The following WDR53 variants were observed in gnomAD, a reference collection of about 807,000 sequenced individuals.
WDR53 encodes WD repeat domain 53.
WDR53 carries 19 observed loss-of-function variants against 21.3 expected under a neutral mutation model. That is an observed-to-expected ratio of 0.89 (90% CI 0.62 to 1.31). The LOEUF is 1.31. Among genes scored for constraint, WDR53 ranks in the 50% most tolerant of loss-of-function variants. The pLI, the probability that WDR53 is intolerant of heterozygous loss-of-function variation, is 0.00. For missense variants in WDR53, 374 were observed against 423.2 expected (o/e 0.88, Z 1.02); for synonymous variants, 157 against 163.4 (o/e 0.96, Z 0.30).
intron 3 of WDR53, among the ~76,000 whole-genome samples, chr3:196,555,570 T>C (rs1734247712): frequency 6.6e-6 from 1 of 152,372 alleles, no homozygotes; most frequent in South Asian, 2.1e-4. Flanking sequence ...GGTTTTACAT[T>C]ATCATCTAGT....
chr3:196,554,407 G>T lies in WDR53; in HGVS notation c.881C>A (p.Thr294Asn). Residue 294 changes from threonine (T) to asparagine (N), a missense_variant, in exon 4 of 4, where the codon ACT becomes AAT. Thr to Asn is a moderately conservative substitution (Grantham distance 65, BLOSUM62 0). Coordinates refer to ENST00000332629, the MANE Select transcript of WDR53 (RefSeq NM_182627.3). ...RTHRKKPKRG[T>N]CTKQGGNTNA... ...AGTATTTCCACCCTGCTTGGTGCAA[G>T]TTCCTCTTTTAGGTTTCTTCCTGTG... The T allele has an allele frequency of 6.2e-7, 1 of 1,614,090 alleles. No individual in the cohort carries two copies. The highest frequency in any genetic ancestry group is 8.5e-7 in the Non-Finnish European group (1 of 1,180,026).
intron 2 of WDR53, among the ~76,000 whole-genome samples, chr3:196,566,393 A>G (rs1427204213): frequency 6.9e-6 from 1 of 145,952 alleles, no homozygotes; most frequent in African/African-American, 2.6e-5. Flanking sequence ...CTGCCAGGTG[A>G]GTTATTTTGA....
At chr3:196,562,918 G>A (rs1026688510) in intron 2 of WDR53, among the ~76,000 whole-genome samples, 2 of 151,994 alleles carry the variant, frequency 1.3e-5, no homozygotes, top group Admixed American at 1.3e-4. Context: ...CTGCAGCCTT[G>A]ACCTCCCAGG....
intron 3 of WDR53, among the ~76,000 whole-genome samples, chr3:196,560,338 GTC>G (rs1031320374): frequency 6.6e-6 from 1 of 151,850 alleles, no homozygotes; most frequent in Non-Finnish European, 1.5e-5. Flanking sequence ...CACCTCCTGG[GTC>G]AAGCGATTCT....
chr3:196,561,907 T>C (rs996926786), intron 2 of WDR53, among the ~76,000 whole-genome samples: 3 of 152,212 alleles, frequency 2.0e-5, no homozygotes, highest in East Asian at 1.9e-4. Context: ...AGGTTTGCAG[T>C]AGCTAGGGGA....
chr3:196,564,357 A>C (rs1218320689), intron 2 of WDR53, among the ~76,000 whole-genome samples: 2 of 151,544 alleles, frequency 1.3e-5, no homozygotes, highest in African/African-American at 4.8e-5. Context: ...TAAGTTACAA[A>C]TAATTTTGTT....
chr3:196,563,177 A>G (rs537918498), intron 2 of WDR53, among the ~76,000 whole-genome samples: 3 of 152,192 alleles, frequency 2.0e-5, no homozygotes, highest in Non-Finnish European at 4.4e-5. Context: ...AGTGCTTGAA[A>G]ATGTACTCAC....
At chr3:196,557,868 C>T (rs1734477856) in intron 3 of WDR53, among the ~76,000 whole-genome samples, 1 of 150,862 alleles carries the variant, frequency 6.6e-6, no homozygotes, top group Non-Finnish European at 1.5e-5. Context: ...ACCTCAACCT[C>T]TCGGGATCAA....
intron 2 of WDR53, among the ~76,000 whole-genome samples, chr3:196,564,215 A>C (rs923693248): frequency 2.6e-5 from 4 of 152,134 alleles, no homozygotes; most frequent in Non-Finnish European, 1.5e-5. Flanking sequence ...GACTGTTGCC[A>C]AAAGTTCCAG....
At position 196,554,517 on chromosome 3, in the gene WDR53, A is replaced by C. The variant is rs1279123888; in HGVS notation, c.771T>G (p.Leu257=). Residue 257 remains leucine (L), a synonymous_variant, in exon 4 of 4, where the codon CTT becomes CTG. Transcript: ENST00000332629. ...VCFLPESYLL[L]TGGNDGKITL... is the part of the protein sequence containing the mutation. ...TGATCTTCCCATCATTCCCTCCAGT[A>C]AGCAGCAAATAGGATTCTGGGAGAA... 1 of 1,614,096 alleles carries C rather than the reference A, an allele frequency of 6.2e-7. No homozygotes were observed. Among genetic ancestry groups the C allele is most frequent in the East Asian group, 2.2e-5 (1 of 44,884 alleles).
intron 2 of WDR53, among the ~76,000 whole-genome samples, chr3:196,565,262 TAA>T (rs538382754): frequency 1.2e-3 from 179 of 144,202 alleles, no homozygotes; most frequent in Admixed American, 1.5e-3. Flanking sequence ...CTGGGAATGT[TAA>T]AAAAAAAAAA....
chr3:196,561,148 CCAG>C lies in WDR53; in HGVS notation c.325_327del (p.Leu109del). On this transcript the variant is annotated inframe_deletion, in exon 3 of 4. Coordinates refer to ENST00000332629, the MANE Select transcript of WDR53 (RefSeq NM_182627.3). ...ATTGCCCCAGAGTCGTCAGCAGAAG[CCAG>C]CAGGTTTTCCGTTTGATTCAATGAA... is the stretch of plus-strand genomic sequence containing the variant. 4 of 1,614,190 alleles carry C rather than the reference CCAG, an allele frequency of 2.5e-6. No homozygotes were observed. Among genetic ancestry groups the C allele is most frequent in the Non-Finnish European group, 3.4e-6 (4 of 1,180,028 alleles).
chr3:196,556,327 C>A (rs139821164), intron 3 of WDR53, among the ~76,000 whole-genome samples: 1 of 152,244 alleles, frequency 6.6e-6, no homozygotes, highest in African/African-American at 2.4e-5. Context: ...GGATTACACG[C>A]ATCAGCCACA....
At chr3:196,565,560 A>C (rs9843636) in intron 2 of WDR53, among the ~76,000 whole-genome samples, 2 of 147,922 alleles carry the variant, frequency 1.4e-5, no homozygotes, top group East Asian at 2.1e-4. Context: ...AGTCGGGGTG[A>C]GGGGGCAGGG....
At chr3:196,568,251 G>A (rs1164833743) in intron 1 of WDR53, among the ~76,000 whole-genome samples, 1 of 152,156 alleles carries the variant, frequency 6.6e-6, no homozygotes, top group Non-Finnish European at 1.5e-5. Flanking sequence ...GGGAGAACGA[G>A]AGGGCCTGAC....
rs1174704524 is a variant in WDR53 at position 196,554,203 on chromosome 3, T to C, written c.*8A>G. The C allele has an allele frequency of 6.5e-7, 1 of 1,533,554 alleles. No homozygotes were observed. Among genetic ancestry groups the C allele is most frequent in the Non-Finnish European group, 8.8e-7 (1 of 1,133,762 alleles). The allele number at this position is 1,533,554 out of a possible 1,614,324, so 95.0% of individuals were successfully genotyped here. On this transcript the variant is annotated 3_prime_UTR_variant, in exon 4 of 4. Transcript: ENST00000332629. Reference sequence around the variant, plus strand: ...TTTGCCACAATTCTTCAAATGTTTTTATTGGATTTAAAATTCATTTAAGGG... The same window carrying C: ...TTTGCCACAATTCTTCAAATGTTTTCATTGGATTTAAAATTCATTTAAGGG...
chr3:196,561,318 T>A lies in WDR53; in HGVS notation c.158A>T (p.Asp53Val). The A allele has an allele frequency of 6.2e-7, 1 of 1,614,120 alleles. No individual in the cohort carries two copies. The highest frequency in any genetic ancestry group is 8.5e-7 in the Non-Finnish European group (1 of 1,180,028). Residue 53 changes from aspartate to valine, a missense_variant, in exon 3 of 4, where the codon GAT becomes GTT. Asp to Val is a radical substitution (Grantham distance 152). Transcript: ENST00000332629. ...GGGAGAAAATAAGACACTGGTAACA[T>A]CATCAGCCCCTTGGAACCGCGTGTG... The part of the protein sequence containing the change: ...LGHTRFQGAD[D>V]VTSVLFSPSC...
intron 3 of WDR53, among the ~76,000 whole-genome samples, chr3:196,556,212 A>C (rs1734301435): frequency 6.6e-6 from 1 of 151,898 alleles, no homozygotes; most frequent in Non-Finnish European, 1.5e-5. Flanking sequence ...CACCCAGCTA[A>C]TTTTTGTATT....
chr3:196,562,987 C>G (rs895174702), intron 2 of WDR53, among the ~76,000 whole-genome samples: 1 of 152,194 alleles, frequency 6.6e-6, no homozygotes, highest in Non-Finnish European at 1.5e-5. Context: ...TGTGCACCAC[C>G]ATGCCTGGCT....
Sources: gnomAD v4.1 joint callset for allele counts (sites outside exome capture counted in the v4.1 genomes callset) on GRCh38, gnomAD v4.1.1 for gene constraint, MANE v1.5 for transcripts, NCBI Gene and HGNC (gene_info 2026-07-23, HGNC 2026-07-21) for gene names.